The following NRXN1 variants were observed in gnomAD, a reference collection of about 807,000 sequenced individuals.
NRXN1 encodes the protein neurexin 1.
Under a neutral mutation model 150.9 loss-of-function variants are expected in NRXN1, and 39 were observed. The observed-to-expected ratio is 0.26, with a 90% CI of 0.20 to 0.34. NRXN1 has a LOEUF of 0.34. Among genes scored for constraint, NRXN1 ranks in the 10% least tolerant of loss-of-function variants. NRXN1 has a pLI of 1.00. For synonymous variants in NRXN1, 924 were observed against 757.0 expected (o/e 1.22, Z -3.62); for missense variants, 1,815 against 1,949.9 (o/e 0.93, Z 1.30).
intron 17 of NRXN1, among the ~76,000 whole-genome samples, chr2:50,400,241 T>G (rs1459777278): frequency 6.6e-6 from 1 of 152,132 alleles, no homozygotes; most frequent in East Asian, 1.9e-4. Context: ...TACTGACATA[T>G]TTCCCATATT....
chr2:50,239,164 GATTAAGT>G (rs1311726159), intron 17 of NRXN1, among the ~76,000 whole-genome samples: 1 of 151,850 alleles, frequency 6.6e-6, no homozygotes, highest in Non-Finnish European at 1.5e-5. Context: ...TTTTGCAAAT[GATTAAGT>G]ATTAACTTTT....
chr2:50,549,691 T>G (rs1667148475), intron 9 of NRXN1, among the ~76,000 whole-genome samples: 1 of 152,214 alleles, frequency 6.6e-6, no homozygotes, highest in Non-Finnish European at 1.5e-5. Context: ...ATAGAGTAAT[T>G]AATAAACTCT....
At position 50,528,651 on chromosome 2, in the gene NRXN1, T is replaced by C; in HGVS notation, c.2348A>G (p.Asp783Gly). Residue 783 changes from aspartate (D) to glycine (G), a missense_variant and splice_region_variant, in exon 12 of 23, where the codon GAT (aspartate) becomes GGT (glycine). Coordinates refer to ENST00000401669, the MANE Select transcript of NRXN1 (RefSeq NM_001330078.2). ...AGRVKLTVNL[D>G]CIRINCNSSK... The stretch of plus-strand genomic sequence containing the variant: ...GGAATTACAGTTAATCCTGATACAA[T>C]CTAGATGGGGAAGAATAGATGAAAA... 1.3e-6 allele frequency: 2 copies of C among 1,547,988 alleles called. No homozygotes were observed. The highest frequency in any genetic ancestry group is 8.9e-7 in the Non-Finnish European group (1 of 1,128,814).
At chr2:50,892,763 G>A (rs1414970359) in intron 5 of NRXN1, among the ~76,000 whole-genome samples, 1 of 152,134 alleles carries the variant, frequency 6.6e-6, no homozygotes, top group Non-Finnish European at 1.5e-5. Flanking sequence ...CATAACATAT[G>A]TATGTAAACA....
chr2:50,598,483 T>A (rs17538414), intron 8 of NRXN1, among the ~76,000 whole-genome samples: 1 of 150,986 alleles, frequency 6.6e-6, no homozygotes, highest in Non-Finnish European at 1.5e-5. Flanking sequence ...AAATAGCATG[T>A]GTAAAATGCC....
At chr2:50,736,034 T>C (rs898203708) in intron 5 of NRXN1, among the ~76,000 whole-genome samples, 12 of 152,126 alleles carry the variant, frequency 7.9e-5, no homozygotes, top group African/African-American at 2.9e-4. Flanking sequence ...AATTTTAAAA[T>C]AAAAACAAAC....
chr2:50,399,843 A>C (rs2082284973), intron 17 of NRXN1, among the ~76,000 whole-genome samples: 1 of 117,052 alleles, frequency 8.5e-6, no homozygotes, highest in Non-Finnish European at 1.8e-5. Flanking sequence ...AAAAAAAAAA[A>C]AAAAAAAAAT....
In NRXN1 at chr2:50,150,071, T is replaced by C. The variant is rs184506809; in HGVS notation, c.3547-58577A>G. Among the ~76,000 whole-genome samples, 3 of 151,882 alleles carry C rather than the reference T, an allele frequency of 2.0e-5. No homozygotes were observed. The East Asian group carries it at 5.8e-4, about 30-fold the overall frequency. On this transcript the variant is annotated intron_variant, in intron 18 of 22. Coordinates refer to ENST00000401669, the MANE Select transcript of NRXN1 (RefSeq NM_001330078.2). ...TCCTTCTATTAGTGAATTTCTCCAT[T>C]ACTCCTGGGGAAATAGATAATTCTC...
intron 21 of NRXN1, among the ~76,000 whole-genome samples, chr2:50,039,846 C>T (rs182863241): frequency 2.4e-4 from 36 of 152,166 alleles, no homozygotes; most frequent in African/African-American, 7.0e-4. Flanking sequence ...TCAAATATAA[C>T]GCAAAATAAA....
intron 9 of NRXN1, among the ~76,000 whole-genome samples, chr2:50,549,114 T>C (rs2093557114): frequency 6.6e-6 from 1 of 152,146 alleles, no homozygotes; most frequent in Admixed American, 6.6e-5. Context: ...TAAAATAAAT[T>C]ATTTCATGAA....
intron 5 of NRXN1, chr2:50,633,065 T>C (rs954019887): frequency 1.3e-5 from 2 of 152,150 alleles, no homozygotes; most frequent in African/African-American, 2.4e-5. Context: ...GTCATCATTA[T>C]TGGTGAATAT....
At position 49,966,516 on chromosome 2, in the gene NRXN1, T is replaced by TG. The variant is rs1676990537; in HGVS notation, c.4129-22726_4129-22725insC. ...TAAGACCAATTTTCTTTAAAGCATT[T>TG]CTTTTTTTTTTTTAAGGAAACACAT... On this transcript the variant is annotated intron_variant, in intron 21 of 22. Coordinates refer to ENST00000401669, the MANE Select transcript of NRXN1 (RefSeq NM_001330078.2). The TG allele has an allele frequency of 3.3e-5, 4 of 122,502 alleles. No homozygotes were observed. In the South Asian group the frequency reaches 1.2e-3, roughly 37 times the overall value. The allele number at this position is 122,502 out of a possible 1,614,324, so 7.6% of individuals were successfully genotyped here.
intron 8 of NRXN1, among the ~76,000 whole-genome samples, chr2:50,574,998 T>C (rs1310464956): frequency 1.3e-5 from 2 of 152,170 alleles, no homozygotes; most frequent in African/African-American, 2.4e-5. Flanking sequence ...CTCACTGGGA[T>C]GTATTAGAGC....
intron 17 of NRXN1, among the ~76,000 whole-genome samples, chr2:50,241,229 A>G (rs2065970595): frequency 6.6e-6 from 1 of 151,392 alleles, no homozygotes; most frequent in South Asian, 2.1e-4. Context: ...AAAAAAAAAA[A>G]TCACTTGACC....
intron 5 of NRXN1, among the ~76,000 whole-genome samples, chr2:50,727,866 G>T (rs1320234859): frequency 6.6e-6 from 1 of 152,068 alleles, no homozygotes; most frequent in Non-Finnish European, 1.5e-5. Flanking sequence ...GAGTTGGGCT[G>T]AAATCCTCAT....
chr2:50,345,706 T>A (rs191541664), intron 17 of NRXN1, among the ~76,000 whole-genome samples: 240 of 152,308 alleles, frequency 1.6e-3, no homozygotes, highest in Non-Finnish European at 2.5e-3. Flanking sequence ...AGGAGAAAGC[T>A]GCCAACCAAG....
chr2:49,979,445 T>C (rs1407227366), intron 21 of NRXN1, among the ~76,000 whole-genome samples: 2 of 152,154 alleles, frequency 1.3e-5, no homozygotes, highest in Non-Finnish European at 2.9e-5. Context: ...TCCAAAATAT[T>C]CCAATGAGTA....
Position 50,986,864 on chromosome 2 carries a change from T to C in NRXN1, c.772+40638A>G, listed in dbSNP as rs201467543. On this transcript the variant is annotated intron_variant, in intron 2 of 22. Transcript: ENST00000401669. ...TTGTTTAAAATAAACACAATTGACATAGATATATATGTATATATGCGTAAA... is the reference window on the plus strand; with the variant it reads ...TTGTTTAAAATAAACACAATTGACACAGATATATATGTATATATGCGTAAA... 6.6e-5 allele frequency among the ~76,000 whole-genome samples: 10 copies of C among 151,942 alleles called. No homozygotes were observed. In the East Asian group the frequency reaches 1.5e-3, roughly 24 times the overall value.
chr2:49,971,176 G>C (rs143961497), intron 21 of NRXN1, among the ~76,000 whole-genome samples: 97 of 151,992 alleles, frequency 6.4e-4, no homozygotes, highest in African/African-American at 2.2e-3. Flanking sequence ...CAGCTAAGAG[G>C]GCTTTTCCTA....
Sources: gnomAD v4.1 joint callset for allele counts (sites outside exome capture counted in the v4.1 genomes callset) on GRCh38, gnomAD v4.1.1 for gene constraint, MANE v1.5 for transcripts, NCBI Gene and HGNC (gene_info 2026-07-23, HGNC 2026-07-21) for gene names.